The following GRID1 variants were observed in gnomAD, a reference collection of about 807,000 sequenced individuals.
The protein encoded by GRID1 is glutamate receptor ionotropic, delta-1.
In GRID1, 28 loss-of-function variants were observed where a neutral mutation model predicts 98.0. The observed-to-expected ratio is 0.29, with a 90% CI of 0.21 to 0.39. The LOEUF is 0.39. Among genes scored for constraint, GRID1 ranks in the 10% least tolerant of loss-of-function variants. GRID1 has a pLI of 1.00. For missense variants in GRID1, 1,111 were observed against 1,340.5 expected, an observed-to-expected ratio of 0.83 and a Z score of 2.67; for synonymous variants, 553 against 538.5, an observed-to-expected ratio of 1.03 and a Z score of -0.37.
chr10:86,194,612 G>A lies in GRID1; in HGVS notation c.520+11752C>T, dbSNP rs371340866. 9.8e-4 allele frequency among the ~76,000 whole-genome samples: 149 copies of A among 152,204 alleles called. 1 individual carries two copies. In the Middle Eastern group the frequency reaches 0.024, roughly 24 times the overall value. On this transcript the variant is annotated intron_variant, in intron 3 of 15. Coordinates refer to ENST00000327946, the MANE Select transcript of GRID1 (RefSeq NM_017551.3). ...TGTTGTTTTAATTTTTTCAACAAGA[G>A]TATATTCATTTTGTGTATGACTTAT...
intron 8 of GRID1, among the ~76,000 whole-genome samples, chr10:85,853,622 C>A (rs2131779908): frequency 6.6e-6 from 1 of 152,312 alleles, no homozygotes; most frequent in African/African-American, 2.4e-5. Context: ...TGCATCCAAG[C>A]CAGTAGAGTT....
intron 2 of GRID1, among the ~76,000 whole-genome samples, chr10:86,273,418 G>GA (rs1262954627): frequency 1.5e-4 from 22 of 148,500 alleles, no homozygotes; most frequent in Non-Finnish European, 2.7e-4. Context: ...AGTCCTTTGG[G>GA]TATATACCCA....
chr10:86,117,084 TTTACCACCACCACCA>T (rs543130829), intron 4 of GRID1, among the ~76,000 whole-genome samples: 5,694 of 137,958 alleles, frequency 0.041, 137 homozygotes, highest in Middle Eastern at 0.067. Flanking sequence ...TAACAACACC[TTTACCACCACCACCA>T]TTACCACCAC....
At chr10:86,218,458 G>A (rs1158725410) in intron 2 of GRID1, among the ~76,000 whole-genome samples, 1 of 152,106 alleles carries the variant, frequency 6.6e-6, no homozygotes, top group Non-Finnish European at 1.5e-5. Context: ...GGTTGGAGTG[G>A]CCCACCCTGC....
At chr10:85,786,765 G>T (rs559864294) in intron 8 of GRID1, among the ~76,000 whole-genome samples, 6 of 152,184 alleles carry the variant, frequency 3.9e-5, no homozygotes, top group African/African-American at 1.4e-4. Context: ...GCCAGGACCC[G>T]GCTGATAGGA....
intron 4 of GRID1, among the ~76,000 whole-genome samples, chr10:85,986,869 C>T (rs1431481074): frequency 2.6e-5 from 4 of 152,134 alleles, no homozygotes; most frequent in African/African-American, 9.7e-5. Flanking sequence ...TATAAAGAAC[C>T]AGAGTCTGTT....
At chr10:85,836,779 A>G (rs910425882) in intron 8 of GRID1, among the ~76,000 whole-genome samples, 2 of 152,032 alleles carry the variant, frequency 1.3e-5, no homozygotes, top group African/African-American at 4.8e-5. Context: ...GGACTGGTCC[A>G]ACCTGAGCAC....
chr10:86,002,771 C>T (rs938290204), intron 4 of GRID1, among the ~76,000 whole-genome samples: 1 of 152,136 alleles, frequency 6.6e-6, no homozygotes, highest in African/African-American at 2.4e-5. Context: ...ATTTCAAAAC[C>T]GTGGTTAATG....
At chr10:86,274,337 G>A (rs1847233304) in intron 2 of GRID1, among the ~76,000 whole-genome samples, 1 of 152,238 alleles carries the variant, frequency 6.6e-6, no homozygotes, top group Admixed American at 6.5e-5. Flanking sequence ...TTTGAAGTCA[G>A]ATAGCGTGAT....
intron 2 of GRID1, among the ~76,000 whole-genome samples, chr10:86,212,199 C>G (rs529884683): frequency 3.7e-4 from 56 of 152,354 alleles, no homozygotes; most frequent in African/African-American, 1.2e-3. Flanking sequence ...TGCCACCCCC[C>G]AGTCACGACA....
chr10:86,310,732 G>A (rs918413154), intron 2 of GRID1, among the ~76,000 whole-genome samples: 6 of 152,206 alleles, frequency 3.9e-5, no homozygotes, highest in African/African-American at 1.4e-4. Context: ...CCTCAGCCCA[G>A]AGACTCCACA....
At position 86,138,923 on chromosome 10, in the gene GRID1, G is replaced by A. The variant is rs1844970572; in HGVS notation, c.622C>T (p.Leu208Phe). Residue 208 changes from leucine to phenylalanine, a missense_variant, in exon 4 of 16, where the codon CTC becomes TTC. Transcript: ENST00000327946. Reference sequence around the variant, plus strand: ...TCCTCTGTCTTCATCGTGGTGAAGAGGCTGGTGAATACGTGGCTAATGTTC... The same window carrying A: ...TCCTCTGTCTTCATCGTGGTGAAGAAGCTGGTGAATACGTGGCTAATGTTC... ...DKNISHVFTSLFTTMKTEELN... is the reference protein window; with the variant it reads ...DKNISHVFTSFFTTMKTEELN... 1.9e-6 allele frequency: 3 copies of A among 1,613,110 alleles called. No individual in the cohort carries two copies. Among genetic ancestry groups the A allele is most frequent in the African/African-American group, 1.3e-5 (1 of 75,050 alleles).
At chr10:86,265,237 T>A (rs910725442) in intron 2 of GRID1, among the ~76,000 whole-genome samples, 30 of 152,108 alleles carry the variant, frequency 2.0e-4, no homozygotes, top group Non-Finnish European at 4.3e-4. Context: ...CCACTCCACT[T>A]CTCTGACGGC....
At chr10:85,915,945 C>G (rs1841613746) in intron 5 of GRID1, among the ~76,000 whole-genome samples, 1 of 152,182 alleles carries the variant, frequency 6.6e-6, no homozygotes, top group South Asian at 2.1e-4. Flanking sequence ...GCCACCACTG[C>G]CCTCTGACTT....
chr10:86,325,906 G>C (rs1363511969), intron 2 of GRID1, among the ~76,000 whole-genome samples: 1 of 152,176 alleles, frequency 6.6e-6, no homozygotes, highest in African/African-American at 2.4e-5. Context: ...ACCTGAAAAA[G>C]AAATATGGAC....
At chr10:85,930,817 A>C (rs1352926368) in intron 4 of GRID1, among the ~76,000 whole-genome samples, 1 of 152,032 alleles carries the variant, frequency 6.6e-6, no homozygotes, top group Non-Finnish European at 1.5e-5. Flanking sequence ...GCACCTCTCC[A>C]GTATCTTCTA....
chr10:85,797,981 GTATATACA>G (rs1842541095), intron 8 of GRID1, among the ~76,000 whole-genome samples: 1 of 152,128 alleles, frequency 6.6e-6, no homozygotes, highest in South Asian at 2.1e-4. Context: ...GTATTCCACA[GTATATACA>G]TATACCACGT....
chr10:85,824,481 G>T (rs1715063666), intron 8 of GRID1, among the ~76,000 whole-genome samples: 1 of 152,152 alleles, frequency 6.6e-6, no homozygotes, highest in South Asian at 2.1e-4. Context: ...CAAGGTGCTG[G>T]CATTACAGGC....
At chr10:86,086,046 G>T (rs1826940806) in intron 4 of GRID1, among the ~76,000 whole-genome samples, 1 of 152,054 alleles carries the variant, frequency 6.6e-6, no homozygotes, top group Non-Finnish European at 1.5e-5. Flanking sequence ...CTTCCCATCA[G>T]AGTGCTGTTC....
Sources: allele counts gnomAD v4.1 joint callset (sites outside exome capture counted in the v4.1 genomes callset), GRCh38; gene constraint gnomAD v4.1.1; transcripts MANE v1.5; gene names NCBI Gene and HGNC (gene_info 2026-07-23, HGNC 2026-07-21).